VDR: variants seen among roughly 807,000 people sequenced by gnomAD.
The protein encoded by VDR is vitamin D receptor.
A neutral mutation model predicts 39.7 loss-of-function variants in VDR; 19 were observed. The ratio of observed to expected loss-of-function variants is 0.48; its 90% CI spans 0.33 to 0.70. The LOEUF (loss-of-function observed/expected upper bound fraction) is 0.70. Ranked by LOEUF, VDR falls within the 30% of genes least tolerant of loss-of-function variation. VDR has a pLI of 0.02. For synonymous variants in VDR, 242 were observed against 215.8 expected (o/e 1.12, Z -1.07); for missense variants, 442 against 570.5 (o/e 0.77, Z 2.29).
intron 1 of VDR, among the ~76,000 whole-genome samples, chr12:47,894,505 G>A (rs1946429497): frequency 6.6e-6 from 1 of 152,180 alleles, no homozygotes; most frequent in Non-Finnish European, 1.5e-5. Context: ...TCCTAGGGAG[G>A]ATGTCAGCAG....
intron 1 of VDR, among the ~76,000 whole-genome samples, chr12:47,889,932 C>A (rs771775420): frequency 6.6e-6 from 1 of 152,130 alleles, no homozygotes; most frequent in Admixed American, 6.5e-5. Flanking sequence ...TCTGTCTTAA[C>A]GCTGGGACCC....
At chr12:47,871,296 T>TTCTTTC (rs1945858471) in intron 3 of VDR, among the ~76,000 whole-genome samples, 2 of 96,334 alleles carry the variant, frequency 2.1e-5, no homozygotes. Flanking sequence ...CTCTTTCTCT[T>TTCTTTC]TCTTTCTTTC....
intron 4 of VDR, among the ~76,000 whole-genome samples, chr12:47,859,923 T>TTTTC (rs778112133): frequency 0.039 from 1,976 of 50,752 alleles, 52 homozygotes; most frequent in Admixed American, 0.078. Context: ...CCTTCTTTCT[T>TTTTC]TTTCTTTCTT....
At chr12:47,871,306 C>CTTTCTTTCT (rs1555153516) in intron 3 of VDR, among the ~76,000 whole-genome samples, 4 of 127,412 alleles carry the variant, frequency 3.1e-5, no homozygotes, top group African/African-American at 1.2e-4. Context: ...TTCTTTCTTT[C>CTTTCTTTCT]TTTCTTTCTT....
chr12:47,869,337 C>T (rs1199677619), intron 3 of VDR, among the ~76,000 whole-genome samples: 1 of 151,068 alleles, frequency 6.6e-6, no homozygotes, highest in Non-Finnish European at 1.5e-5. Context: ...GAGATCGAGA[C>T]CATTGTGGCT....
chr12:47,867,105 C>T (rs1387617685), intron 3 of VDR, among the ~76,000 whole-genome samples: 1 of 151,120 alleles, frequency 6.6e-6, no homozygotes, highest in Non-Finnish European at 1.5e-5. Context: ...CCTGTAATCC[C>T]AGCACTTTGA....
intron 1 of VDR, among the ~76,000 whole-genome samples, chr12:47,896,439 A>T (rs888431389): frequency 9.2e-5 from 14 of 151,888 alleles, no homozygotes; most frequent in African/African-American, 3.4e-4. Context: ...CAGGATTCAG[A>T]TCTGTTCTCG....
intron 3 of VDR, among the ~76,000 whole-genome samples, chr12:47,871,099 A>G (rs929855591): frequency 1.3e-5 from 2 of 152,116 alleles, no homozygotes; most frequent in African/African-American, 4.8e-5. Flanking sequence ...TTGGAGGGCA[A>G]TTGGCAATGC....
intron 2 of VDR, 96 bp from the exon 3 acceptor site, chr12:47,879,211 G>A (rs1204349575): frequency 2.5e-4 from 322 of 1,286,686 alleles, no homozygotes; most frequent in East Asian, 7.2e-4. Context: ...TCATCCCACC[G>A]CCCCCACCCC....
chr12:47,843,009 T>TC lies in VDR; in HGVS notation c.*1736dup, dbSNP rs1311039840. On this transcript the variant is annotated 3_prime_UTR_variant, in exon 10 of 10. Transcript: ENST00000549336. ...TACAGAAGTTTCACAATGTAAGTTC[T>TC]CCCCCCATAAATATCTCCAAATCAG... 1 of 152,074 alleles carries TC rather than the reference T, an allele frequency of 6.6e-6. No individual in the cohort carries two copies. The highest frequency in any genetic ancestry group is 2.4e-5 in the African/African-American group (1 of 41,412). The allele number at this position is 152,074 out of a possible 1,614,324, so 9.4% of individuals were successfully genotyped here.
chr12:47,861,751 A>C (rs370344233), intron 4 of VDR, among the ~76,000 whole-genome samples: 5 of 152,304 alleles, frequency 3.3e-5, no homozygotes, highest in East Asian at 1.9e-4. Flanking sequence ...TTTTGACTTC[A>C]TTTTAAGCTC....
intron 3 of VDR, among the ~76,000 whole-genome samples, chr12:47,869,769 C>T (rs1474161331): frequency 1.3e-5 from 2 of 152,016 alleles, no homozygotes; most frequent in Non-Finnish European, 2.9e-5. Context: ...TGGTGGCATG[C>T]GCCTGTGGTC....
chr12:47,885,292 C>T (rs984870191), intron 1 of VDR, among the ~76,000 whole-genome samples: 2 of 152,248 alleles, frequency 1.3e-5, no homozygotes, highest in Non-Finnish European at 2.9e-5. Flanking sequence ...CTGACCCTGA[C>T]CCCAGTGCTG....
intron 4 of VDR, among the ~76,000 whole-genome samples, chr12:47,860,992 G>A (rs1268994250): frequency 6.6e-6 from 1 of 152,218 alleles, no homozygotes; most frequent in Non-Finnish European, 1.5e-5. Context: ...TAAGGCAGGT[G>A]CTGTTGTTAT....
chr12:47,904,767 T>C, intron 1 of VDR, 188 bp downstream of exon 1: 1 of 857,240 alleles, frequency 1.2e-6, no homozygotes, highest in South Asian at 1.7e-5. Flanking sequence ...ACTTCAGCTT[T>C]CTCAAACCTC....
chr12:47,864,297 C>A (rs1036982065), intron 4 of VDR, among the ~76,000 whole-genome samples: 1 of 152,250 alleles, frequency 6.6e-6, no homozygotes, highest in Non-Finnish European at 1.5e-5. Flanking sequence ...AGCTCTGATG[C>A]AAAGTTCAAG....
intron 7 of VDR, among the ~76,000 whole-genome samples, chr12:47,848,919 A>G (rs1388408683): frequency 6.6e-6 from 1 of 152,042 alleles, no homozygotes; most frequent in Non-Finnish European, 1.5e-5. Context: ...CCTCCTCTTA[A>G]TCACCTTACT....
intron 3 of VDR, among the ~76,000 whole-genome samples, chr12:47,874,385 C>A (rs770778893): frequency 1.1e-4 from 16 of 152,174 alleles, no homozygotes; most frequent in Non-Finnish European, 2.2e-4. Flanking sequence ...AATTCCTGGA[C>A]ATCTGCCCTA....
intron 4 of VDR, among the ~76,000 whole-genome samples, chr12:47,859,914 CTTCTTTCTTTTTCTTTCTTTCTTTCT>C (rs1217906498): frequency 4.5e-4 from 25 of 55,286 alleles, no homozygotes; most frequent in Middle Eastern, 7.8e-3. Flanking sequence ...TCCTTCCTTC[CTTCTTTCTTTTTCTTTCTTTCTTTCT>C]TTCTTTCTTT....
Sources: gnomAD v4.1 joint callset for allele counts (sites outside exome capture counted in the v4.1 genomes callset) on GRCh38, gnomAD v4.1.1 for gene constraint, MANE v1.5 for transcripts, NCBI Gene and HGNC (gene_info 2026-07-23, HGNC 2026-07-21) for gene names.